The following ZNFX1 variants were observed in gnomAD, a reference collection of about 807,000 sequenced individuals.
ZNFX1 encodes zinc finger NFX1-type containing 1.
ZNFX1 carries 78 observed loss-of-function variants against 179.8 expected under a neutral mutation model. That is an observed-to-expected ratio of 0.43 (90% confidence interval 0.36 to 0.52). The LOEUF (loss-of-function observed/expected upper bound fraction) is 0.52. Ranked by LOEUF, ZNFX1 falls within the 20% of genes least tolerant of loss-of-function variation. The probability of loss-of-function intolerance (pLI) is 0.00; values close to 1 mark genes in which losing one functional copy is unlikely to be tolerated. For synonymous variants in ZNFX1, 848 were observed against 868.5 expected (o/e 0.98, Z 0.42); for missense variants, 1,927 against 2,386.6 (o/e 0.81, Z 4.01).
chr20:49,248,883 TCA>T lies in ZNFX1; in HGVS notation c.4139_4140del (p.Leu1380GlnfsTer12). The stretch of plus-strand genomic sequence containing the variant: ...GGGTGGCTGCATCTGTGCCCACATC[TCA>T]GAGACTTGGAGCAAGGCTCCTGGCA... ...FCCQEPCSKS[L>X]RCGHRCSHPC... is the part of the protein sequence containing the mutation. On this transcript the variant is annotated frameshift_variant, in exon 14 of 14. Transcript: ENST00000396105. LOFTEE classifies it high-confidence loss of function. The surrounding 1 kb of genome is among the most constrained non-coding windows in gnomAD (Gnocchi z 4.6). 1 of 1,614,256 alleles carries T rather than the reference TCA, an allele frequency of 6.2e-7. No individual in the cohort carries two copies. The highest frequency in any genetic ancestry group is 8.5e-7 in the Non-Finnish European group (1 of 1,180,052).
At position 49,270,928 on chromosome 20, in the gene ZNFX1, A is replaced by G; in HGVS notation, c.884T>C (p.Leu295Pro). The G allele has an allele frequency of 6.2e-7, 1 of 1,614,094 alleles. No individual in the cohort carries two copies. Among genetic ancestry groups the G allele is most frequent in the Non-Finnish European group, 8.5e-7 (1 of 1,180,020 alleles). ...VDIEEETEKN[L>P]EKVQTIIEHL... ...TTCAATGATAGTCTGTACCTTTTCC[A>G]GGTTCTTCTCCGTTTCCTCTTCTAT... The change falls in exon 3 of 14, where the codon CTG becomes CCG. Residue 295 changes from leucine to proline, a missense_variant. Leu to Pro is a moderately conservative substitution (Grantham distance 98, BLOSUM62 -3). Coordinates refer to ENST00000396105, the MANE Select transcript of ZNFX1 (RefSeq NM_021035.3). The surrounding 1 kb of genome is among the most constrained non-coding windows in gnomAD (Gnocchi z 4.6).
In ZNFX1 at chr20:49,270,768, A is replaced by T; in HGVS notation, c.1044T>A (p.Asp348Glu). 6.2e-7 allele frequency: 1 copy of T among 1,614,138 alleles called. No individual in the cohort carries two copies. Among genetic ancestry groups the T allele is most frequent in the Non-Finnish European group, 8.5e-7 (1 of 1,180,022 alleles). ...TATTGGGGCGAAGGAAGGGCCTCTC[A>T]TCCAAGTGCACTTCATTGTAGGTAG... ...IYPTYNEVHLDERPFLRPNII... is the reference protein window; with the variant it reads ...IYPTYNEVHLEERPFLRPNII... Residue 348 changes from aspartate to glutamate, a missense_variant, in exon 3 of 14, where the codon GAT becomes GAA. Transcript: ENST00000396105. The surrounding 1 kb of genome is among the most constrained non-coding windows in gnomAD (Gnocchi z 4.6).
At chr20:49,274,713 C>T (rs1369813309) in intron 2 of ZNFX1, among the ~76,000 whole-genome samples, 4 of 151,792 alleles carry the variant, frequency 2.6e-5, no homozygotes, top group Non-Finnish European at 4.4e-5. Flanking sequence ...GAACCGAGAT[C>T]GCACCACTGC....
At chr20:49,254,186 C>T (rs1980912187) in intron 10 of ZNFX1, among the ~76,000 whole-genome samples, 1 of 152,040 alleles carries the variant, frequency 6.6e-6, no homozygotes, top group Non-Finnish European at 1.5e-5. Context: ...ACCACTACAC[C>T]CAGCTAATTT....
intron 12 of ZNFX1, among the ~76,000 whole-genome samples, chr20:49,251,898 C>T (rs1980847635): frequency 6.7e-6 from 1 of 149,846 alleles, no homozygotes; most frequent in South Asian, 2.1e-4. Context: ...GGCGCAATCT[C>T]AGCTCATTGC....
chr20:49,257,874 T>C (rs762119480), intron 7 of ZNFX1, among the ~76,000 whole-genome samples: 18 of 151,170 alleles, frequency 1.2e-4, no homozygotes, highest in Non-Finnish European at 2.2e-4. Flanking sequence ...GCTAATTTTG[T>C]AGGCTAATTT....
intron 2 of ZNFX1, among the ~76,000 whole-genome samples, chr20:49,274,247 A>C (rs1385840651): frequency 6.6e-6 from 1 of 152,260 alleles, no homozygotes; most frequent in East Asian, 1.9e-4. Context: ...CGAGATTTTG[A>C]AAGCTAGTAC....
At chr20:49,250,043 T>C (rs2146728397) in intron 13 of ZNFX1, among the ~76,000 whole-genome samples, 1 of 152,200 alleles carries the variant, frequency 6.6e-6, no homozygotes, top group African/African-American at 2.4e-5. Flanking sequence ...TCACCTGAGG[T>C]CAGGAGTTTG....
chr20:49,247,906 G>A lies in ZNFX1; in HGVS notation c.5118C>T (p.Ile1706=). 3.1e-6 allele frequency: 5 copies of A among 1,614,146 alleles called. No individual in the cohort carries two copies. Among genetic ancestry groups the A allele is most frequent in the Non-Finnish European group, 4.2e-6 (5 of 1,180,024 alleles). The change falls in exon 14 of 14, where the codon ATC becomes ATT. Residue 1706 remains isoleucine (I), a synonymous_variant. Coordinates refer to ENST00000396105, the MANE Select transcript of ZNFX1 (RefSeq NM_021035.3). Reference sequence around the variant, plus strand: ...GGCTGGCCAGGTGGTCATAGAAGCTGATGTAATTCTCAACCAGACCCAGGT... The same window carrying A: ...GGCTGGCCAGGTGGTCATAGAAGCTAATGTAATTCTCAACCAGACCCAGGT... The part of the protein sequence containing the change: ...VKDLGLVENY[I]SFYDHLASLW...
At chr20:49,250,654 C>T (rs756064119) in intron 13 of ZNFX1, among the ~76,000 whole-genome samples, 7 of 152,084 alleles carry the variant, frequency 4.6e-5, no homozygotes, top group Non-Finnish European at 8.8e-5. Context: ...CAGGTTCAAG[C>T]GATCCTCTCG....
At position 49,271,584 on chromosome 20, in the gene ZNFX1, GTTC is replaced by G; in HGVS notation, c.225_227del (p.Arg75_Asn76delinsSer). The stretch of plus-strand genomic sequence containing the variant: ...CCTGGTTCCTCCTTCCTTGATGTGG[GTTC>G]CTGCCCATGGCCCTAAATCTCTCTT... On this transcript the variant is annotated inframe_deletion, in exon 3 of 14. Transcript: ENST00000396105. 6.2e-7 allele frequency: 1 copy of G among 1,614,108 alleles called. No homozygotes were observed. The highest frequency in any genetic ancestry group is 8.5e-7 in the Non-Finnish European group (1 of 1,180,012).
intron 2 of ZNFX1, among the ~76,000 whole-genome samples, chr20:49,273,774 A>G (rs1449915550): frequency 2.6e-5 from 4 of 152,170 alleles, no homozygotes; most frequent in Non-Finnish European, 5.9e-5. Context: ...TACTAAAAAT[A>G]CAAAAATGAG....
In ZNFX1 at chr20:49,248,089, G is replaced by A. The variant is rs568416486; in HGVS notation, c.4935C>T (p.Ile1645=). Residue 1645 remains isoleucine (I), a synonymous_variant, in exon 14 of 14, where the codon ATC becomes ATT. Transcript: ENST00000396105. This position sits in a 1 kb window ranked among gnomAD's most constrained non-coding sequence, Gnocchi z 4.6. The stretch of plus-strand genomic sequence containing the variant: ...CTGAGCCCTGGATCTTTTCCTTGAT[G>A]ATTTCAATCTCTTCTAGCCGCTGTT... The part of the protein sequence containing the change: ...SIKQRLEEIE[I]IKEKIQGSAG... 1.4e-5 allele frequency: 22 copies of A among 1,614,170 alleles called. No individual in the cohort carries two copies. The African/African-American group carries it at 2.0e-4, about 15-fold the overall frequency.
In ZNFX1 at chr20:49,246,152, G is replaced by C. The variant is rs1980665768; in HGVS notation, c.*1115C>G. 1 of 152,220 alleles carries C rather than the reference G, an allele frequency of 6.6e-6. No homozygotes were observed. Among genetic ancestry groups the C allele is most frequent in the African/African-American group, 2.4e-5 (1 of 41,452 alleles). The allele number at this position is 152,220 out of a possible 1,614,324, so 9.4% of individuals were successfully genotyped here. Reference sequence around the variant, plus strand: ...CCAGGGAACAGCTCCAAGAGGGAGTGTTGGGATGAAGGATCACACTTGGGA... The same window carrying C: ...CCAGGGAACAGCTCCAAGAGGGAGTCTTGGGATGAAGGATCACACTTGGGA... On this transcript the variant is annotated 3_prime_UTR_variant, in exon 14 of 14. Transcript: ENST00000396105.
intron 9 of ZNFX1, among the ~76,000 whole-genome samples, 179 bp from the exon 10 acceptor site, chr20:49,254,828 T>C (rs973048397): frequency 1.3e-5 from 2 of 151,922 alleles, no homozygotes; most frequent in Middle Eastern, 3.2e-3. Flanking sequence ...ATGTGCAGAG[T>C]AGTCAGGAGC....
intron 13 of ZNFX1, among the ~76,000 whole-genome samples, chr20:49,251,144 C>CT (rs549657651): frequency 0.012 from 1,773 of 147,620 alleles, 15 homozygotes; most frequent in South Asian, 0.027. Context: ...TGAAGGCTTT[C>CT]TTTTTTTTTT....
chr20:49,254,597 C>T lies in ZNFX1; in HGVS notation c.2857G>A (p.Glu953Lys). The change falls in exon 10 of 14, where the codon GAA becomes AAA. Residue 953 changes from glutamate to lysine, a missense_variant. Transcript: ENST00000396105. Reference sequence around the variant, plus strand: ...TCTGCTGATGTGCGGTACTGGCGTTCATAGCTGAGGATCTTCCGGCGGGTG... The same window carrying T: ...TCTGCTGATGTGCGGTACTGGCGTTTATAGCTGAGGATCTTCCGGCGGGTG... ...ADTRRKILSY[E>K]RQYRTSAERM... The T allele has an allele frequency of 1.2e-6, 2 of 1,614,110 alleles. No homozygotes were observed. Among genetic ancestry groups the T allele is most frequent in the Admixed American group, 1.7e-5 (1 of 60,016 alleles).
chr20:49,275,922 T>C lies in ZNFX1; in HGVS notation c.-48-35A>G, dbSNP rs776010127. Reference sequence around the variant, plus strand: ...TTGAGTTATCAGTGTCCTCGAAACATAGCATCTAGCAGCAAAAACCCAAAC... The same window carrying C: ...TTGAGTTATCAGTGTCCTCGAAACACAGCATCTAGCAGCAAAAACCCAAAC... On this transcript the variant is annotated intron_variant, in intron 1 of 13. Transcript: ENST00000396105. The C allele has an allele frequency of 7.6e-4, 1,097 of 1,448,142 alleles. 1 individual carries two copies. Among genetic ancestry groups the C allele is most frequent in the Non-Finnish European group, 9.6e-4 (992 of 1,033,000 alleles). The allele number at this position is 1,448,142 out of a possible 1,614,324, so 89.7% of individuals were successfully genotyped here.
At position 49,270,352 on chromosome 20, in the gene ZNFX1, T is replaced by C. The variant is rs747062520; in HGVS notation, c.1460A>G (p.Asn487Ser). ...TGCTAGCAGCTGTTGGCTTTGCTCA[T>C]TGAAGCAGAGCTGGACAATTCCTCG... ...LCRGIVQLCF[N>S]EQSQQLLAEV... is the part of the protein sequence containing the mutation. The change falls in exon 3 of 14, where the codon AAT becomes AGT. Residue 487 changes from asparagine to serine, a missense_variant. Physicochemically the swap from Asn to Ser is conservative, Grantham distance 46. Transcript: ENST00000396105. This position sits in a 1 kb window ranked among gnomAD's most constrained non-coding sequence, Gnocchi z 4.6. 3 of 1,614,202 alleles carry C rather than the reference T, an allele frequency of 1.9e-6. No homozygotes were observed. The highest frequency in any genetic ancestry group is 1.1e-5 in the South Asian group (1 of 91,088).
Sources: allele counts gnomAD v4.1 joint callset (sites outside exome capture counted in the v4.1 genomes callset), GRCh38; gene constraint gnomAD v4.1.1; non-coding constraint Gnocchi (gnomAD v3.1); transcripts MANE v1.5; gene names NCBI Gene and HGNC (gene_info 2026-07-23, HGNC 2026-07-21).